Variants in CLEC16A observed in about 807,000 individuals in gnomAD.
CLEC16A encodes protein CLEC16A.
CLEC16A carries 51 observed loss-of-function variants against 109.5 expected under a neutral mutation model. That is an observed-to-expected ratio of 0.47 (90% CI 0.37 to 0.59). The LOEUF is 0.59. Ranked by LOEUF, CLEC16A falls within the 20% of genes least tolerant of loss-of-function variation. CLEC16A has a pLI of 0.00. For synonymous variants in CLEC16A, 673 were observed against 564.2 expected (o/e 1.19, Z -2.73); for missense variants, 1,339 against 1,394.0 (o/e 0.96, Z 0.63).
chr16:10,986,362 C>A (rs973024845), intron 10 of CLEC16A, among the ~76,000 whole-genome samples: 5 of 152,150 alleles, frequency 3.3e-5, no homozygotes, highest in Non-Finnish European at 7.4e-5. Context: ...AACATGAGAT[C>A]TACCCTTTTA....
chr16:10,981,814 G>A (rs2043336741), intron 9 of CLEC16A, among the ~76,000 whole-genome samples: 1 of 152,204 alleles, frequency 6.6e-6, no homozygotes, highest in South Asian at 2.1e-4. Context: ...ATCTGTCAGG[G>A]GTTCTTAACT....
At chr16:11,126,492 A>C (rs2052830868) in intron 22 of CLEC16A, 1 of 1,023,640 alleles carries the variant, frequency 9.8e-7, no homozygotes, top group South Asian at 1.8e-5. Context: ...ATGTAAGATG[A>C]CTAGAAAGAG....
chr16:11,158,117 A>AG (rs1227077344), intron 22 of CLEC16A, among the ~76,000 whole-genome samples: 1 of 152,156 alleles, frequency 6.6e-6, no homozygotes, highest in Non-Finnish European at 1.5e-5. Flanking sequence ...GGAGCCGACA[A>AG]GGGGAGAAAT....
intron 18 of CLEC16A, chr16:11,056,825 TTGTC>T (rs1368965290): frequency 1.3e-5 from 2 of 152,246 alleles, no homozygotes; most frequent in African/African-American, 2.4e-5. Context: ...CCTCCTATCT[TTGTC>T]TGTAAAAAGA....
At chr16:11,044,795 G>A (rs2047546019) in intron 16 of CLEC16A, among the ~76,000 whole-genome samples, 1 of 151,698 alleles carries the variant, frequency 6.6e-6, no homozygotes, top group South Asian at 2.1e-4. Context: ...GCATGGTGGC[G>A]CATGCGTGTA....
rs926294950 is a variant in CLEC16A at position 10,944,664 on chromosome 16, C to T, written c.-54C>T. The T allele has an allele frequency of 4.6e-6, 7 of 1,526,594 alleles. No individual in the cohort carries two copies. Among genetic ancestry groups the T allele is most frequent in the African/African-American group, 2.7e-5 (2 of 73,106 alleles). The allele number at this position is 1,526,594 out of a possible 1,614,324, so 94.6% of individuals were successfully genotyped here. A position where few individuals can be genotyped will look rare whatever the true frequency, so the allele number is the denominator to read the frequency against. On this transcript the variant is annotated 5_prime_UTR_variant, in exon 1 of 24. Transcript: ENST00000409790. The stretch of plus-strand genomic sequence containing the variant: ...TGCTACCGCCGCGGGCGCTGGGCCG[C>T]TCTGCTGGTCCGGCATGAGACCGTG...
At chr16:11,121,203 C>T (rs1031509366) in intron 20 of CLEC16A, among the ~76,000 whole-genome samples, 1 of 152,160 alleles carries the variant, frequency 6.6e-6, no homozygotes, top group Non-Finnish European at 1.5e-5. Context: ...CTTGGAGAGC[C>T]AGCCACATTA....
chr16:11,022,068 T>C (rs2046133070), intron 12 of CLEC16A, among the ~76,000 whole-genome samples: 1 of 152,188 alleles, frequency 6.6e-6, no homozygotes, highest in Admixed American at 6.5e-5. Context: ...TGAGATTGTT[T>C]CTTAACTTTG....
Position 10,982,873 on chromosome 16 carries a change from G to A in CLEC16A, c.958-5G>A, listed in dbSNP as rs367999287. 4.4e-5 allele frequency: 68 copies of A among 1,537,974 alleles called. No homozygotes were observed. Among genetic ancestry groups the A allele is most frequent in the African/African-American group, 2.6e-4 (19 of 73,088 alleles). ...TGCAAATCCCGTTTCTTTTTTTTCC[G>A]CCAGGTCTTCTTAATTATACATCAT... On this transcript the variant is annotated splice_polypyrimidine_tract_variant and splice_region_variant and intron_variant, in intron 9 of 23. Coordinates refer to ENST00000409790, the MANE Select transcript of CLEC16A (RefSeq NM_015226.3).
chr16:11,017,509 C>G (rs1232022117), intron 11 of CLEC16A, among the ~76,000 whole-genome samples: 1 of 152,208 alleles, frequency 6.6e-6, no homozygotes, highest in Non-Finnish European at 1.5e-5. Flanking sequence ...GTTTCAGAAC[C>G]TAATGTCCCA....
At chr16:11,025,738 C>T (rs1348941352) in intron 13 of CLEC16A, among the ~76,000 whole-genome samples, 2 of 116,178 alleles carry the variant, frequency 1.7e-5, no homozygotes, top group African/African-American at 4.3e-5. Flanking sequence ...TTAGAACATA[C>T]ATGATATAAC....
chr16:11,162,016 A>G (rs897686426), intron 22 of CLEC16A, among the ~76,000 whole-genome samples: 4 of 152,234 alleles, frequency 2.6e-5, no homozygotes, highest in African/African-American at 9.6e-5. Context: ...CAGTTTGGGC[A>G]GAGCTTGGAC....
At chr16:11,066,817 T>G (rs1443342830) in intron 19 of CLEC16A, 4 of 152,174 alleles carry the variant, frequency 2.6e-5, no homozygotes, top group Non-Finnish European at 5.9e-5. Flanking sequence ...TCTCCCAGGC[T>G]TGAACATACT....
At chr16:11,035,342 C>T (rs955723761) in intron 13 of CLEC16A, among the ~76,000 whole-genome samples, 7 of 151,978 alleles carry the variant, frequency 4.6e-5, no homozygotes, top group African/African-American at 7.3e-5. Context: ...ATCTTCTGCC[C>T]GAAATTTGAT....
chr16:11,107,395 A>G (rs1172759269), intron 19 of CLEC16A, among the ~76,000 whole-genome samples: 1 of 152,202 alleles, frequency 6.6e-6, no homozygotes, highest in African/African-American at 2.4e-5. Flanking sequence ...AGCCACAAAG[A>G]AGAAAAAGTA....
intron 2 of CLEC16A, among the ~76,000 whole-genome samples, chr16:10,959,670 G>A (rs560620649): frequency 6.6e-6 from 1 of 152,248 alleles, no homozygotes; most frequent in African/African-American, 2.4e-5. Context: ...GGGATTACAG[G>A]CATGAGCCAC....
intron 19 of CLEC16A, among the ~76,000 whole-genome samples, chr16:11,076,292 C>T (rs2049369874): frequency 6.6e-6 from 1 of 152,232 alleles, no homozygotes; most frequent in Non-Finnish European, 1.5e-5. Flanking sequence ...GGGCCACCGG[C>T]TTCAGGGTGC....
intron 10 of CLEC16A, among the ~76,000 whole-genome samples, chr16:10,998,036 A>G (rs1567175220): frequency 6.6e-6 from 1 of 151,902 alleles, no homozygotes; most frequent in Non-Finnish European, 1.5e-5. Context: ...GGTTGTTTCC[A>G]TCCTCCCTCC....
intron 19 of CLEC16A, among the ~76,000 whole-genome samples, chr16:11,065,476 C>T (rs76441328): frequency 6.6e-6 from 1 of 152,226 alleles, no homozygotes; most frequent in South Asian, 2.1e-4. Context: ...ATTTATTGAG[C>T]ACCTGCTGTA....
Sources: gnomAD v4.1 joint callset for allele counts (sites outside exome capture counted in the v4.1 genomes callset) on GRCh38, gnomAD v4.1.1 for gene constraint, MANE v1.5 for transcripts, NCBI Gene and HGNC (gene_info 2026-07-23, HGNC 2026-07-21) for gene names.